The following TPD52 variants were observed in gnomAD, a reference collection of about 807,000 sequenced individuals.
The protein encoded by TPD52 is prostate and colon associated protein.
Under a neutral mutation model 31.3 loss-of-function variants are expected in TPD52, and 17 were observed. That is an observed-to-expected ratio of 0.54 (90% confidence interval 0.37 to 0.82). The LOEUF is 0.82. TPD52 is among the 40% of genes least tolerant of loss of function. The probability of loss-of-function intolerance (pLI) is 0.00; values close to 1 mark genes in which losing one functional copy is unlikely to be tolerated. For missense variants in TPD52, 212 were observed against 240.1 expected, an observed-to-expected ratio of 0.88 and a Z score of 0.77; for synonymous variants, 83 against 89.6, an observed-to-expected ratio of 0.93 and a Z score of 0.42.
At chr8:80,157,225 C>A (rs749942287) in intron 1 of TPD52, among the ~76,000 whole-genome samples, 12 of 151,486 alleles carry the variant, frequency 7.9e-5, no homozygotes, top group Non-Finnish European at 1.2e-4. Flanking sequence ...AGAGCCCAAC[C>A]AAGGCGAAGA....
rs1308886865 is a variant in TPD52, at chr8:80,037,630, T to C, written c.*486A>G. Reference sequence around the variant, plus strand: ...CAAAATATTTTTTGTAGCTAGTAGTTCTTTCCTTGGAGGTAAAGAAAATAC... The same window carrying C: ...CAAAATATTTTTTGTAGCTAGTAGTCCTTTCCTTGGAGGTAAAGAAAATAC... On this transcript the variant is annotated 3_prime_UTR_variant, in exon 8 of 8. Coordinates refer to ENST00000518937, the MANE Select transcript of TPD52 (RefSeq NM_001025253.3). 6.6e-6 allele frequency: 1 copy of C among 152,520 alleles called. No homozygotes were observed. The highest frequency in any genetic ancestry group is 2.4e-5 in the African/African-American group (1 of 41,478). The allele number at this position is 152,520 out of a possible 1,614,324, so 9.4% of individuals were successfully genotyped here.
chr8:80,053,288 G>A lies in TPD52; in HGVS notation c.278C>T (p.Thr93Ile). The change falls in exon 3 of 8, where the codon ACA becomes ATA. Residue 93 changes from threonine (T) to isoleucine (I), a missense_variant. Transcript: ENST00000518937. ...TATGATCAAGGAAACATACGCAGAT[G>A]TTGCTGTCACGTCTTGCCACCCTTT... ...IAKGWQDVTATSAYKKTSETL... is the reference protein window; with the variant it reads ...IAKGWQDVTAISAYKKTSETL... The A allele has an allele frequency of 6.2e-7, 1 of 1,613,388 alleles. No homozygotes were observed. Among genetic ancestry groups the A allele is most frequent in the Non-Finnish European group, 8.5e-7 (1 of 1,179,534 alleles).
At chr8:80,045,018 G>A (rs1315450819) in intron 5 of TPD52, among the ~76,000 whole-genome samples, 3 of 152,166 alleles carry the variant, frequency 2.0e-5, no homozygotes, top group Non-Finnish European at 4.4e-5. Flanking sequence ...ATAACATGGA[G>A]AATGATTGTG....
chr8:80,064,864 T>C, intron 1 of TPD52: 1 of 591,096 alleles, frequency 1.7e-6, no homozygotes. Flanking sequence ...ACAATATAGT[T>C]ATGGCAGAAG....
intron 1 of TPD52, among the ~76,000 whole-genome samples, chr8:80,166,537 A>G (rs570977897): frequency 2.9e-4 from 44 of 151,880 alleles, no homozygotes; most frequent in Admixed American, 1.8e-3. Context: ...CGGCCATTAA[A>G]GTGTATTTTT....
chr8:80,098,298 T>C (rs1425240029), intron 1 of TPD52, among the ~76,000 whole-genome samples: 4 of 152,222 alleles, frequency 2.6e-5, no homozygotes, highest in Non-Finnish European at 5.9e-5. Flanking sequence ...TTTGTAAGGC[T>C]ACTGTGGCCA....
chr8:80,062,921 T>C (rs987974086), intron 2 of TPD52, among the ~76,000 whole-genome samples: 2 of 152,114 alleles, frequency 1.3e-5, no homozygotes, highest in African/African-American at 4.8e-5. Flanking sequence ...TGAGCTATAA[T>C]CATGCCACTG....
rs1329346883 is a variant in TPD52, at chr8:80,067,794, C to T, written c.20-3201G>A. On this transcript the variant is annotated intron_variant, in intron 1 of 7. Transcript: ENST00000518937. ...CTAAAAAGTGAAAGAATCTGGCAGA[C>T]TAGATCAAAAGCAGTCTTCATTAAT... Among the ~76,000 whole-genome samples, 8 of 151,450 alleles carry T rather than the reference C, an allele frequency of 5.3e-5. No individual in the cohort carries two copies. The Admixed American group carries it at 5.3e-4, about 10-fold the overall frequency.
Position 80,171,497 on chromosome 8 carries a change from C to T in TPD52, c.-54G>A. 6.5e-7 allele frequency: 1 copy of T among 1,530,678 alleles called. No homozygotes were observed. The highest frequency in any genetic ancestry group is 1.2e-5 in the South Asian group (1 of 82,964). 94.8% of individuals were successfully genotyped at this position (1,530,678 alleles called of 1,614,324 possible). Reference sequence around the variant, plus strand: ...GCAGCACCCCCGCCTGCAGCCCGTCCCGGCTCGGATCGCCCGCCGCGCCGC... The same window carrying T: ...GCAGCACCCCCGCCTGCAGCCCGTCTCGGCTCGGATCGCCCGCCGCGCCGC... On this transcript the variant is annotated 5_prime_UTR_variant, in exon 1 of 8. Coordinates refer to ENST00000518937, the MANE Select transcript of TPD52 (RefSeq NM_001025253.3).
chr8:80,161,971 C>T (rs1052548436), intron 1 of TPD52, among the ~76,000 whole-genome samples: 3 of 152,084 alleles, frequency 2.0e-5, no homozygotes, highest in Admixed American at 6.6e-5. Flanking sequence ...CCAAGTGATC[C>T]GCCCACTTCA....
At chr8:80,143,728 C>A (rs1809999384) in intron 1 of TPD52, among the ~76,000 whole-genome samples, 1 of 152,152 alleles carries the variant, frequency 6.6e-6, no homozygotes, top group Non-Finnish European at 1.5e-5. Flanking sequence ...ATAACCCTAA[C>A]TTAGGGAACT....
chr8:80,091,094 T>G (rs1427664410), intron 1 of TPD52, among the ~76,000 whole-genome samples: 1 of 152,200 alleles, frequency 6.6e-6, no homozygotes, highest in African/African-American at 2.4e-5. Context: ...GATAAGCCTG[T>G]ACCTGGGAAA....
intron 1 of TPD52, among the ~76,000 whole-genome samples, chr8:80,073,893 G>T (rs1814217964): frequency 6.6e-6 from 1 of 152,082 alleles, no homozygotes; most frequent in Non-Finnish European, 1.5e-5. Flanking sequence ...CATATTACAG[G>T]AAAACAGTGT....
chr8:80,133,365 A>G (rs13261075), intron 1 of TPD52, among the ~76,000 whole-genome samples: 94,130 of 151,788 alleles, frequency 0.62, 30,082 homozygotes, highest in East Asian at 0.79. Flanking sequence ...GACTGCTACC[A>G]CCACCCATGG....
chr8:80,131,440 T>C (rs937681973), intron 1 of TPD52, among the ~76,000 whole-genome samples: 7 of 152,248 alleles, frequency 4.6e-5, no homozygotes, highest in African/African-American at 1.7e-4. Context: ...TTTTAAGTGC[T>C]AATCTGGTAT....
chr8:80,152,780 C>CAAAACAAAAAAAAAA (rs1810670419), intron 1 of TPD52, among the ~76,000 whole-genome samples: 1 of 83,546 alleles, frequency 1.2e-5, no homozygotes, highest in Non-Finnish European at 2.2e-5. Flanking sequence ...GACTCCGTCT[C>CAAAACAAAAAAAAAA]AAAAAAAAAA....
chr8:80,129,608 C>T (rs111708133), intron 1 of TPD52, among the ~76,000 whole-genome samples: 5 of 152,012 alleles, frequency 3.3e-5, no homozygotes, highest in African/African-American at 1.2e-4. Context: ...AATGTATGTT[C>T]CATAGTTTGT....
chr8:80,089,276 G>A (rs77225934), intron 1 of TPD52, among the ~76,000 whole-genome samples: 24,201 of 152,068 alleles, frequency 0.16, 2,121 homozygotes, highest in South Asian at 0.29. Context: ...CTTGGGTGAC[G>A]GGCAATGAGA....
chr8:80,082,293 T>C (rs904323627), intron 1 of TPD52, among the ~76,000 whole-genome samples: 18 of 152,216 alleles, frequency 1.2e-4, no homozygotes, highest in African/African-American at 4.3e-4. Flanking sequence ...TTGAAATCCA[T>C]GGCCTCTTAC....
Sources: allele counts gnomAD v4.1 joint callset (sites outside exome capture counted in the v4.1 genomes callset), GRCh38; gene constraint gnomAD v4.1.1; transcripts MANE v1.5; gene names NCBI Gene and HGNC (gene_info 2026-07-23, HGNC 2026-07-21).